Variants in PLSCR2 observed in about 807,000 individuals in gnomAD.
PLSCR2 encodes the protein PL scramblase 2.
PLSCR2 carries 18 observed loss-of-function variants against 25.3 expected under a neutral mutation model. The ratio of observed to expected loss-of-function variants is 0.71; its 90% CI spans 0.49 to 1.06. The LOEUF (loss-of-function observed/expected upper bound fraction) is 1.06, where lower values mean the gene tolerates loss of function less well. Among genes scored for constraint, PLSCR2 ranks in the 50% least tolerant of loss-of-function variants. The probability of loss-of-function intolerance (pLI) is 0.00; values close to 1 mark genes in which losing one functional copy is unlikely to be tolerated. For missense variants in PLSCR2, 243 were observed against 269.5 expected (o/e 0.90, Z 0.69); for synonymous variants, 88 against 87.3 (o/e 1.01, Z -0.04).
intron 2 of PLSCR2, among the ~76,000 whole-genome samples, chr3:146,415,745 T>C (rs1025702565): frequency 1.7e-4 from 26 of 152,236 alleles, no homozygotes; most frequent in African/African-American, 6.0e-4. Flanking sequence ...TAAATCAGAA[T>C]TGAAATCATA....
chr3:146,408,428 C>T (rs1159852990), intron 2 of PLSCR2, among the ~76,000 whole-genome samples: 1 of 152,166 alleles, frequency 6.6e-6, no homozygotes, highest in Non-Finnish European at 1.5e-5. Flanking sequence ...TTTCATCCTG[C>T]ACCTCTTGGA....
At chr3:146,408,676 C>T (rs891008810) in intron 2 of PLSCR2, among the ~76,000 whole-genome samples, 9 of 152,060 alleles carry the variant, frequency 5.9e-5, no homozygotes, top group African/African-American at 2.2e-4. Flanking sequence ...CGGCTATTTT[C>T]GGGGGCTCCC....
At chr3:146,474,627 C>G (rs925749034) in intron 1 of PLSCR2, among the ~76,000 whole-genome samples, 1 of 151,982 alleles carries the variant, frequency 6.6e-6, no homozygotes, top group African/African-American at 2.4e-5. Flanking sequence ...TTGATCTTCT[C>G]GTGGAGTATC....
intron 6 of PLSCR2, among the ~76,000 whole-genome samples, chr3:146,448,504 T>G (rs1197792564): frequency 1.3e-5 from 2 of 152,202 alleles, no homozygotes; most frequent in East Asian, 3.8e-4. Flanking sequence ...TAAATTTGGA[T>G]GGACATGAGG....
chr3:146,435,523 A>T (rs550803959), intron 8 of PLSCR2, among the ~76,000 whole-genome samples: 2 of 152,166 alleles, frequency 1.3e-5, no homozygotes, highest in Non-Finnish European at 2.9e-5. Context: ...TGATGGCCAG[A>T]GATGATGAGC....
chr3:146,433,564 G>C (rs2108136348), intron 8 of PLSCR2, 47 bp from the exon 8 acceptor site: 1 of 152,230 alleles, frequency 6.6e-6, no homozygotes, highest in South Asian at 2.1e-4. Flanking sequence ...TTGTAAAAGA[G>C]ATAATGTCAG....
At chr3:146,428,293 A>G (rs191768602), downstream of PLSCR2, among the ~76,000 whole-genome samples, 351 of 152,314 alleles carry the variant, frequency 2.3e-3, 2 homozygotes, top group African/African-American at 8.0e-3. Context: ...TTAGGAAGAA[A>G]GAAACTGATG....
chr3:146,448,896 T>A (rs2040721381), intron 6 of PLSCR2, among the ~76,000 whole-genome samples: 1 of 152,146 alleles, frequency 6.6e-6, no homozygotes, highest in South Asian at 2.1e-4. Flanking sequence ...CATGTAAGAC[T>A]AGCTTCACAT....
downstream of PLSCR2, chr3:146,441,686 GA>G (rs2040253111): frequency 6.7e-6 from 5 of 749,424 alleles, no homozygotes; most frequent in East Asian, 2.8e-5. Flanking sequence ...ATAAAGAAAA[GA>G]AAAAAACACT....
At chr3:146,393,111 C>A (rs2038146971) in intron 3 of PLSCR2, among the ~76,000 whole-genome samples, 1 of 144,280 alleles carries the variant, frequency 6.9e-6, no homozygotes, top group Non-Finnish European at 1.5e-5. Flanking sequence ...TCACTGCAAG[C>A]TCCGCCTCCC....
intron 2 of PLSCR2, among the ~76,000 whole-genome samples, chr3:146,409,921 T>A (rs1336587429): frequency 2.0e-5 from 3 of 152,086 alleles, no homozygotes; most frequent in Non-Finnish European, 4.4e-5. Context: ...CTAATACCAC[T>A]TACCACATTA....
At chr3:146,483,889 A>G (rs1467332466) in intron 1 of PLSCR2, among the ~76,000 whole-genome samples, 1 of 152,022 alleles carries the variant, frequency 6.6e-6, no homozygotes, top group Non-Finnish European at 1.5e-5. Flanking sequence ...TCTCCTCCAA[A>G]TGATTACAAC....
chr3:146,446,325 G>C (rs79658898), intron 6 of PLSCR2, among the ~76,000 whole-genome samples: 1,805 of 152,218 alleles, frequency 0.012, 11 homozygotes, highest in Non-Finnish European at 0.018. Context: ...AAAAGAACTT[G>C]GGTGTTTTGA....
intron 2 of PLSCR2, among the ~76,000 whole-genome samples, chr3:146,409,870 A>C (rs1037392281): frequency 6.6e-6 from 1 of 152,156 alleles, no homozygotes; most frequent in Non-Finnish European, 1.5e-5. Context: ...GGAGTATTGG[A>C]AAAACAGAAT....
Position 146,424,132 on chromosome 3 carries a change from T to TA in PLSCR2, c.101-28212dup, listed in dbSNP as rs3048143. On this transcript the variant is annotated intron_variant and NMD_transcript_variant, in intron 2 of 3. Coordinates refer to the PLSCR2 transcript ENST00000463633. Reference sequence around the variant, plus strand: ...CGTGTATCCCAGAATTTAAAGTATTTAAAAAAAAAAAAAGATCAAGGTATC... The same window carrying TA: ...CGTGTATCCCAGAATTTAAAGTATTTAAAAAAAAAAAAAAGATCAAGGTATC... 5.6e-3 allele frequency among the ~76,000 whole-genome samples: 829 copies of TA among 146,776 alleles called. 4 individuals carry two copies. The highest frequency in any genetic ancestry group is 7.5e-3 in the Non-Finnish European group (499 of 66,600).
chr3:146,486,395 A>C (rs1355834073), intron 1 of PLSCR2, among the ~76,000 whole-genome samples: 1 of 147,280 alleles, frequency 6.8e-6, no homozygotes, highest in Non-Finnish European at 1.5e-5. Context: ...TTTTTTTTTG[A>C]AAATATTAAT....
chr3:146,449,924 T>A (rs2040802610), intron 5 of PLSCR2, among the ~76,000 whole-genome samples: 1 of 152,122 alleles, frequency 6.6e-6, no homozygotes, highest in South Asian at 2.1e-4. Flanking sequence ...AGTAACTTGA[T>A]GGGATGCCTC....
chr3:146,450,194 C>T (rs1363686873), intron 5 of PLSCR2, among the ~76,000 whole-genome samples: 5 of 152,194 alleles, frequency 3.3e-5, no homozygotes, highest in South Asian at 2.1e-4. Context: ...GTTATGTCAA[C>T]CCAAGTCAGG....
In PLSCR2 at chr3:146,441,827, T is replaced by G. The variant is rs1269085014; in HGVS notation, c.646-6A>C. The G allele has an allele frequency of 6.4e-7, 1 of 1,572,958 alleles. No homozygotes were observed. The highest frequency in any genetic ancestry group is 1.7e-5 in the Admixed American group (1 of 57,586). ...CTTTCAAAAAACATGTAGTCCTGGA[T>G]AAAAACAAAAATACAGAAATGAATT... On this transcript the variant is annotated splice_polypyrimidine_tract_variant and splice_region_variant and intron_variant, in intron 6 of 6. Coordinates refer to ENST00000610787, the Ensembl canonical transcript of PLSCR2.
Sources: gnomAD v4.1 joint callset for allele counts (sites outside exome capture counted in the v4.1 genomes callset) on GRCh38, gnomAD v4.1.1 for gene constraint, MANE v1.5 for transcripts, NCBI Gene and HGNC (gene_info 2026-07-23, HGNC 2026-07-21) for gene names.